Variants in EGFR observed in about 807,000 individuals in gnomAD.
EGFR encodes epidermal growth factor receptor.
EGFR carries 58 observed loss-of-function variants against 143.0 expected under a neutral mutation model. That is an observed-to-expected ratio of 0.41 (90% CI 0.33 to 0.50). The LOEUF (loss-of-function observed/expected upper bound fraction) is 0.50. Among genes scored for constraint, EGFR ranks in the 20% least tolerant of loss-of-function variants. The pLI is 0.39. For synonymous variants in EGFR, 613 were observed against 594.4 expected (o/e 1.03, Z -0.45); for missense variants, 1,307 against 1,579.0 (o/e 0.83, Z 2.92).
intron 15 of EGFR, chr7:55,166,175 G>A (rs1785971878): frequency 4.4e-6 from 2 of 450,292 alleles, no homozygotes; most frequent in South Asian, 1.9e-5. Flanking sequence ...AAAAAAAAAA[G>A]CTACTTTGAC....
At chr7:55,097,451 G>A (rs1562711530) in intron 1 of EGFR, among the ~76,000 whole-genome samples, 2 of 152,284 alleles carry the variant, frequency 1.3e-5, no homozygotes, top group South Asian at 2.1e-4. Flanking sequence ...AGAGAAAATG[G>A]AGAAGTAAAT....
Position 55,019,039 on chromosome 7 carries a change from G to A in EGFR, c.-239G>A, listed in dbSNP as rs1278231696. The A allele has an allele frequency of 1.3e-5, 3 of 230,136 alleles. No individual in the cohort carries two copies. The highest frequency in any genetic ancestry group is 2.5e-5 in the Non-Finnish European group (3 of 120,802). 14.3% of individuals were successfully genotyped at this position (230,136 alleles called of 1,614,324 possible). A position where few individuals can be genotyped will look rare whatever the true frequency, so the allele number is the denominator to read the frequency against. On this transcript the variant is annotated 5_prime_UTR_variant, in exon 1 of 28. Coordinates refer to ENST00000275493, the MANE Select transcript of EGFR (RefSeq NM_005228.5). ...GCTAGACGTCCGGGCAGCCCCCGGC[G>A]CAGCGCGGCCGCAGCAGCCTCCGCC...
intron 27 of EGFR, chr7:55,203,095 A>C (rs79235098): frequency 3.7e-6 from 1 of 273,146 alleles, no homozygotes; most frequent in Non-Finnish European, 7.0e-6. Context: ...ACCTGCTAAC[A>C]CACACACATA....
chr7:55,176,837 T>C (rs1786612807), intron 19 of EGFR, among the ~76,000 whole-genome samples: 1 of 147,058 alleles, frequency 6.8e-6, no homozygotes, highest in Non-Finnish European at 1.5e-5. Context: ...TAGAGAGATA[T>C]ATATTTAGAG....
chr7:55,058,162 G>A (rs529842887), intron 1 of EGFR, among the ~76,000 whole-genome samples: 86 of 152,334 alleles, frequency 5.6e-4, no homozygotes, highest in Non-Finnish European at 9.4e-4. Flanking sequence ...TTGGGAGGCC[G>A]AGGCGGGTGG....
chr7:55,065,210 T>G lies in EGFR; in HGVS notation c.88+45845T>G, dbSNP rs911551955. 5.9e-5 allele frequency among the ~76,000 whole-genome samples: 9 copies of G among 152,162 alleles called. No individual in the cohort carries two copies. In the East Asian group the frequency reaches 1.7e-3, roughly 29 times the overall value. The stretch of plus-strand genomic sequence containing the variant: ...TGGAATTTCTTAGTGTTACTGGAGA[T>G]TCCTGCTGCATTCTGGGCCTTTAAT... On this transcript the variant is annotated intron_variant, in intron 1 of 27. Coordinates refer to ENST00000275493, the MANE Select transcript of EGFR (RefSeq NM_005228.5).
rs1223777795 is a variant in EGFR, at chr7:55,211,412, T to G, written c.*5795T>G. ...TTTAGAAACATTCAAGCAATAGCTT[T>G]ATAGCTTCAACATATGGTACGTTTT... On this transcript the variant is annotated 3_prime_UTR_variant, in exon 28 of 28. Transcript: ENST00000275493. 1 of 152,230 alleles carries G rather than the reference T, an allele frequency of 6.6e-6. No individual in the cohort carries two copies. Among genetic ancestry groups the G allele is most frequent in the Non-Finnish European group, 1.5e-5 (1 of 68,036 alleles). 9.4% of individuals were successfully genotyped at this position (152,230 alleles called of 1,614,324 possible).
rs2128938351 is a variant in EGFR at position 55,156,618 on chromosome 7, C to A, written c.1092C>A (p.Ser364=). 6.2e-7 allele frequency: 1 copy of A among 1,614,244 alleles called. No individual in the cohort carries two copies. Among genetic ancestry groups the A allele is most frequent in the Non-Finnish European group, 8.5e-7 (1 of 1,180,044 alleles). Residue 364 remains serine, a synonymous_variant, in exon 9 of 28, where the codon TCC becomes TCA. Coordinates refer to ENST00000275493, the MANE Select transcript of EGFR (RefSeq NM_005228.5). Reference sequence around the variant, plus strand: ...TTAAACACTTCAAAAACTGCACCTCCATCAGTGGCGATCTCCACATCCTGC... The same window carrying A: ...TTAAACACTTCAAAAACTGCACCTCAATCAGTGGCGATCTCCACATCCTGC... ...TNIKHFKNCT[S]ISGDLHILPV...
At chr7:55,051,062 C>T (rs955607152) in intron 1 of EGFR, among the ~76,000 whole-genome samples, 8 of 152,184 alleles carry the variant, frequency 5.3e-5, no homozygotes, top group Admixed American at 4.6e-4. Context: ...TGGTCGGCAC[C>T]ATGCTAGAAC....
Position 55,190,029 on chromosome 7 carries a change from G to A in EGFR, c.2470-1690G>A, listed in dbSNP as rs797021386. 9.8e-5 allele frequency among the ~76,000 whole-genome samples: 15 copies of A among 152,302 alleles called. No individual in the cohort carries two copies. In the South Asian group the frequency reaches 1.2e-3, roughly 13 times the overall value. On this transcript the variant is annotated intron_variant, in intron 20 of 27. Coordinates refer to ENST00000275493, the MANE Select transcript of EGFR (RefSeq NM_005228.5). Reference sequence around the variant, plus strand: ...GCAGGAGTCAAACGAGGCAGACAGCGGGGGCAGGGAGCTTGCCTCTGAAGG... The same window carrying A: ...GCAGGAGTCAAACGAGGCAGACAGCAGGGGCAGGGAGCTTGCCTCTGAAGG...
At chr7:55,074,394 G>A (rs1482548082) in intron 1 of EGFR, among the ~76,000 whole-genome samples, 1 of 152,216 alleles carries the variant, frequency 6.6e-6, no homozygotes, top group Non-Finnish European at 1.5e-5. Context: ...TGAAAGTTAT[G>A]ACAATGTAAT....
chr7:55,098,732 TAGTA>T, intron 1 of EGFR, among the ~76,000 whole-genome samples: 1 of 152,374 alleles, frequency 6.6e-6, no homozygotes, highest in Non-Finnish European at 1.5e-5. Flanking sequence ...ATCAAACAGA[TAGTA>T]AGAACAGGCA....
At chr7:55,153,935 C>T (rs1785279314) in intron 6 of EGFR, 76 bp from the exon 7 acceptor site, 1 of 1,606,812 alleles carries the variant, frequency 6.2e-7, no homozygotes, top group Non-Finnish European at 8.5e-7. Context: ...GGAGTCAACA[C>T]CGTGCTGCGC....
chr7:55,108,829 G>A lies in EGFR; in HGVS notation c.89-33457G>A, dbSNP rs545644735. 2.6e-5 allele frequency among the ~76,000 whole-genome samples: 4 copies of A among 152,334 alleles called. No individual in the cohort carries two copies. The South Asian group carries it at 8.3e-4, about 32-fold the overall frequency. ...AATGGATGGGTGGAAGCGAAACAGG[G>A]CCAAAGTTTGACTTCATGTGCAACT... On this transcript the variant is annotated intron_variant, in intron 1 of 27. Coordinates refer to ENST00000275493, the MANE Select transcript of EGFR (RefSeq NM_005228.5).
intron 1 of EGFR, among the ~76,000 whole-genome samples, chr7:55,039,115 G>A (rs1296824588): frequency 6.6e-6 from 1 of 152,048 alleles, no homozygotes; most frequent in Non-Finnish European, 1.5e-5. Context: ...TGGTGAAAAG[G>A]GCCCATGCGT....
In EGFR at chr7:55,161,622, T is replaced by G. The variant is rs2128943087; in HGVS notation, c.1622T>G (p.Leu541Arg). ...AGGGAATGCGTGGACAAGTGCAACCTTCTGGAGGGGTAGGAGGTTATTTCT... is the reference window on the plus strand; with the variant it reads ...AGGGAATGCGTGGACAAGTGCAACCGTCTGGAGGGGTAGGAGGTTATTTCT... The part of the protein sequence containing the change: ...RGRECVDKCN[L>R]LEGEPREFVE... The change falls in exon 13 of 28, where the codon CTT becomes CGT. Residue 541 changes from leucine to arginine, a missense_variant. Physicochemically the swap from Leu to Arg is moderately radical, Grantham distance 102 (BLOSUM62 -2). Transcript: ENST00000275493. 6.2e-7 allele frequency: 1 copy of G among 1,614,276 alleles called. No individual in the cohort carries two copies. Among genetic ancestry groups the G allele is most frequent in the Non-Finnish European group, 8.5e-7 (1 of 1,180,050 alleles).
rs1321510931 is a variant in EGFR, at chr7:55,211,359, G to A, written c.*5742G>A. The A allele has an allele frequency of 2.6e-5, 4 of 152,176 alleles. No homozygotes were observed. The highest frequency in any genetic ancestry group is 3.2e-3 in the Middle Eastern group (1 of 316). 9.4% of individuals were successfully genotyped at this position (152,176 alleles called of 1,614,324 possible). A position where few individuals can be genotyped will look rare whatever the true frequency, so the allele number is the denominator to read the frequency against. On this transcript the variant is annotated 3_prime_UTR_variant, in exon 28 of 28. Transcript: ENST00000275493. ...TGGTATTAGAGGTGACAATGTAACC[G>A]ATTAACAACAGACAGCAATAACTTC...
intron 15 of EGFR, chr7:55,168,679 AT>A: frequency 4.1e-6 from 5 of 1,225,122 alleles, no homozygotes; most frequent in Non-Finnish European, 4.5e-6. Context: ...GTGTGATTAC[AT>A]TCCTGATTCT....
rs1793333802 is a variant in EGFR, at chr7:55,123,499, G to A, written c.89-18787G>A. On this transcript the variant is annotated intron_variant, in intron 1 of 27. Coordinates refer to ENST00000275493, the MANE Select transcript of EGFR (RefSeq NM_005228.5). ...CTCCTTTCTGGTCTTCCTTTTTGGTGTAGCATCTGTAGGAAATGCATTTCT... is the reference window on the plus strand; with the variant it reads ...CTCCTTTCTGGTCTTCCTTTTTGGTATAGCATCTGTAGGAAATGCATTTCT... 2.0e-5 allele frequency among the ~76,000 whole-genome samples: 3 copies of A among 152,034 alleles called. No homozygotes were observed. The South Asian group carries it at 6.2e-4, about 32-fold the overall frequency.
Sources: allele counts gnomAD v4.1 joint callset (sites outside exome capture counted in the v4.1 genomes callset), GRCh38; gene constraint gnomAD v4.1.1; transcripts MANE v1.5; gene names NCBI Gene and HGNC (gene_info 2026-07-23, HGNC 2026-07-21).